Variants in FHIT observed in about 807,000 individuals in gnomAD.
The protein encoded by FHIT is bis(5'-adenosyl)-triphosphatase.
A neutral mutation model predicts 17.9 loss-of-function variants in FHIT; 19 were observed. The observed-to-expected ratio is 1.06, with a 90% CI of 0.74 to 1.56. The LOEUF (loss-of-function observed/expected upper bound fraction) is 1.56, where lower values mean the gene tolerates loss of function less well. Ranked by LOEUF, FHIT falls within the 40% of genes most tolerant of loss-of-function variation. The pLI, the probability that FHIT is intolerant of heterozygous loss-of-function variation, is 0.00. For missense variants in FHIT, 248 were observed against 189.2 expected, an observed-to-expected ratio of 1.31 and a Z score of -1.82; for synonymous variants, 81 against 69.7, an observed-to-expected ratio of 1.16 and a Z score of -0.81.
chr3:61,220,261 C>A (rs1373733956), intron 1 of FHIT, among the ~76,000 whole-genome samples: 1 of 152,200 alleles, frequency 6.6e-6, no homozygotes, highest in African/African-American at 2.4e-5. Flanking sequence ...CTTTCTAAAA[C>A]CTTTTCCTGC....
At chr3:60,678,883 T>A (rs2040682533) in intron 4 of FHIT, among the ~76,000 whole-genome samples, 1 of 151,026 alleles carries the variant, frequency 6.6e-6, no homozygotes. Context: ...TCCTGAAACA[T>A]ATCAGTGGCA....
At chr3:60,517,919 A>G (rs1404201681) in intron 5 of FHIT, among the ~76,000 whole-genome samples, 2 of 152,214 alleles carry the variant, frequency 1.3e-5, no homozygotes, top group East Asian at 3.8e-4. Flanking sequence ...CTCCATTTAT[A>G]AACTTGGAAA....
intron 5 of FHIT, among the ~76,000 whole-genome samples, chr3:60,026,020 G>C (rs187615354): frequency 6.9e-6 from 1 of 145,244 alleles, no homozygotes; most frequent in East Asian, 1.9e-4. Context: ...GGCCTGTAAA[G>C]GGGGGGAAAG....
chr3:59,780,973 TAATATA>T (rs1422897742), intron 8 of FHIT, among the ~76,000 whole-genome samples: 2 of 152,140 alleles, frequency 1.3e-5, no homozygotes, highest in Admixed American at 6.5e-5. Flanking sequence ...CTCTATGATA[TAATATA>T]AATATAATCA....
chr3:60,536,675 C>T, intron 5 of FHIT, 185 bp downstream of exon 5: 1 of 525,130 alleles, frequency 1.9e-6, no homozygotes. Context: ...ATTACTGGTG[C>T]CACCAACTGG....
intron 8 of FHIT, among the ~76,000 whole-genome samples, chr3:59,894,686 A>G (rs1000308872): frequency 2.0e-5 from 3 of 152,210 alleles, no homozygotes; most frequent in Non-Finnish European, 4.4e-5. Context: ...AAAGATCAAA[A>G]AGTCTTTCAA....
At chr3:60,805,798 A>G (rs1701362237) in intron 4 of FHIT, among the ~76,000 whole-genome samples, 1 of 152,050 alleles carries the variant, frequency 6.6e-6, no homozygotes, top group Admixed American at 6.6e-5. Context: ...TCACCTCGTG[A>G]TCTGCCCACC....
intron 5 of FHIT, among the ~76,000 whole-genome samples, chr3:60,171,079 C>CAAAAA (rs1477275479): frequency 6.6e-6 from 1 of 152,158 alleles, no homozygotes; most frequent in African/African-American, 2.4e-5. Flanking sequence ...CAAAGACCCT[C>CAAAAA]CATTTCCTAT....
At chr3:59,996,380 C>T (rs1341184156) in intron 7 of FHIT, among the ~76,000 whole-genome samples, 1 of 151,992 alleles carries the variant, frequency 6.6e-6, no homozygotes, top group African/African-American at 2.4e-5. Context: ...TACAATCTTC[C>T]CTGACTATTT....
At chr3:60,512,246 C>T (rs146864444) in intron 5 of FHIT, among the ~76,000 whole-genome samples, 37 of 152,272 alleles carry the variant, frequency 2.4e-4, no homozygotes, top group African/African-American at 8.2e-4. Context: ...CATCCTGAAT[C>T]AGATTAAAGT....
Position 60,200,666 on chromosome 3 carries a change from T to TG in FHIT, c.104-186515dup, listed in dbSNP as rs908440380. Among the ~76,000 whole-genome samples the TG allele has an allele frequency of 6.5e-3, 635 of 98,228 alleles. 2 individuals are homozygous for TG. The highest frequency in any genetic ancestry group is 0.011 in the African/African-American group (325 of 30,890). 64.4% of individuals were successfully genotyped at this position (98,228 alleles called of 152,430 possible). On this transcript the variant is annotated intron_variant, in intron 5 of 9. Transcript: ENST00000492590. ...GGAATCAGAATCCCTTTGTTGCTTT[T>TG]GGGGGAAAAAAAAAAAAGGCTGTCA...
chr3:61,129,389 G>A (rs1438556371), intron 2 of FHIT, among the ~76,000 whole-genome samples: 1 of 152,186 alleles, frequency 6.6e-6, no homozygotes. Flanking sequence ...TAAGGAGAGT[G>A]TGCAACTGCT....
At chr3:60,701,154 C>T (rs1346390558) in intron 4 of FHIT, among the ~76,000 whole-genome samples, 1 of 146,412 alleles carries the variant, frequency 6.8e-6, no homozygotes, top group Non-Finnish European at 1.5e-5. Context: ...GACAGGATCT[C>T]CCTTTGTTGT....
chr3:61,202,220 G>T (rs1364164641), intron 1 of FHIT, among the ~76,000 whole-genome samples: 2 of 150,094 alleles, frequency 1.3e-5, no homozygotes, highest in Admixed American at 1.3e-4. Flanking sequence ...CTGGCCAACT[G>T]ACTGGGAGTG....
intron 5 of FHIT, among the ~76,000 whole-genome samples, chr3:60,275,423 T>C (rs1037620561): frequency 2.6e-5 from 4 of 152,204 alleles, no homozygotes; most frequent in Admixed American, 6.5e-5. Context: ...CAGAACTCCA[T>C]AAATGTGCTC....
At chr3:59,962,269 T>G (rs1707721643) in intron 7 of FHIT, among the ~76,000 whole-genome samples, 1 of 152,258 alleles carries the variant, frequency 6.6e-6, no homozygotes. Flanking sequence ...GCAAAAGTGC[T>G]GTCAACTAGA....
chr3:60,024,407 T>C (rs1700661274), intron 5 of FHIT, among the ~76,000 whole-genome samples: 1 of 152,226 alleles, frequency 6.6e-6, no homozygotes, highest in Non-Finnish European at 1.5e-5. Flanking sequence ...GTGAATGAAC[T>C]TCTGAATGAA....
At chr3:60,359,863 C>G (rs1398886444) in intron 5 of FHIT, among the ~76,000 whole-genome samples, 3 of 151,346 alleles carry the variant, frequency 2.0e-5, no homozygotes, top group Admixed American at 2.0e-4. Flanking sequence ...TAAGAGAAGT[C>G]AATAAAATCC....
At chr3:60,077,589 A>G (rs1304894281) in intron 5 of FHIT, 1 of 151,772 alleles carries the variant, frequency 6.6e-6, no homozygotes, top group Non-Finnish European at 1.5e-5. Flanking sequence ...ATGAACCAGA[A>G]TGAAGGGATT....
Sources: gnomAD v4.1 joint callset for allele counts (sites outside exome capture counted in the v4.1 genomes callset) on GRCh38, gnomAD v4.1.1 for gene constraint, MANE v1.5 for transcripts, NCBI Gene and HGNC (gene_info 2026-07-23, HGNC 2026-07-21) for gene names.